Variants in CLVS1 observed in about 807,000 individuals in gnomAD.
The protein encoded by CLVS1 is clavesin 1.
Under a neutral mutation model 33.1 loss-of-function variants are expected in CLVS1, and 10 were observed. The ratio of observed to expected loss-of-function variants is 0.30; its 90% CI spans 0.19 to 0.51. The LOEUF is 0.51. Among genes scored for constraint, CLVS1 ranks in the 20% least tolerant of loss-of-function variants. CLVS1 has a pLI of 0.97. For synonymous variants in CLVS1, 163 were observed against 166.1 expected (o/e 0.98, Z 0.14); for missense variants, 343 against 433.4 (o/e 0.79, Z 1.85).
At chr8:61,092,728 A>G (rs1480051766) in intron 1 of CLVS1, among the ~76,000 whole-genome samples, 1 of 152,216 alleles carries the variant, frequency 6.6e-6, no homozygotes, top group Non-Finnish European at 1.5e-5. Flanking sequence ...CTTTGCGATT[A>G]CCTGAATAAT....
intron 1 of CLVS1, among the ~76,000 whole-genome samples, chr8:61,087,373 G>A (rs1563397086): frequency 6.6e-6 from 1 of 152,200 alleles, no homozygotes; most frequent in South Asian, 2.1e-4. Flanking sequence ...GGATCCTTGA[G>A]GGAGTCAGGT....
At chr8:61,427,028 A>C (rs913502248) in intron 3 of CLVS1, among the ~76,000 whole-genome samples, 1 of 152,240 alleles carries the variant, frequency 6.6e-6, no homozygotes, top group African/African-American at 2.4e-5. Flanking sequence ...CAGACAACTC[A>C]TAATCCAAAT....
At chr8:61,345,313 C>T (rs1812172551) in intron 2 of CLVS1, among the ~76,000 whole-genome samples, 1 of 152,120 alleles carries the variant, frequency 6.6e-6, no homozygotes, top group African/African-American at 2.4e-5. Flanking sequence ...TATGAAAACT[C>T]CTTATAAAAT....
At position 61,418,844 on chromosome 8, in the gene CLVS1, G is replaced by T. The variant is rs1264197786; in HGVS notation, c.631-35297G>T. 4.6e-5 allele frequency among the ~76,000 whole-genome samples: 7 copies of T among 152,216 alleles called. No homozygotes were observed. In the East Asian group the frequency reaches 1.3e-3, roughly 29 times the overall value. ...TGAACACGAGTAAGTCAGTAATGCT[G>T]TTGCAGAGAATGCAAAATTGCCACA... On this transcript the variant is annotated intron_variant, in intron 3 of 5. Transcript: ENST00000325897.
intron 2 of CLVS1, among the ~76,000 whole-genome samples, chr8:61,374,839 A>G (rs960362685): frequency 6.6e-6 from 1 of 152,146 alleles, no homozygotes; most frequent in Non-Finnish European, 1.5e-5. Context: ...GGTTTTTTCT[A>G]TATAGCAGAA....
chr8:61,477,392 A>T (rs1391563301), intron 5 of CLVS1, among the ~76,000 whole-genome samples: 1 of 152,062 alleles, frequency 6.6e-6, no homozygotes, highest in African/African-American at 2.4e-5. Context: ...TCCTCCTTGT[A>T]CCTCTGGTAG....
At chr8:61,367,347 C>A (rs758893441) in intron 2 of CLVS1, among the ~76,000 whole-genome samples, 64 of 152,126 alleles carry the variant, frequency 4.2e-4, no homozygotes, top group Non-Finnish European at 7.6e-4. Context: ...CACAGGAAAA[C>A]TTTGCATTCC....
At chr8:61,420,570 C>G (rs953833025) in intron 3 of CLVS1, among the ~76,000 whole-genome samples, 1 of 151,828 alleles carries the variant, frequency 6.6e-6, no homozygotes, top group African/African-American at 2.4e-5. Flanking sequence ...CCACTGCACT[C>G]CAGCCTGGGC....
chr8:61,458,573 C>CA (rs2129607206), intron 5 of CLVS1, 31 bp downstream of exon 5: 2 of 1,400,308 alleles, frequency 1.4e-6, no homozygotes, highest in Non-Finnish European at 9.6e-7. Flanking sequence ...GCCCCCCCCC[C>CA]AGTCAGAGGT....
At chr8:61,409,642 C>T (rs931558572) in intron 3 of CLVS1, among the ~76,000 whole-genome samples, 5 of 152,160 alleles carry the variant, frequency 3.3e-5, no homozygotes, top group African/African-American at 1.2e-4. Flanking sequence ...TGCACATGTA[C>T]AATTATCTAC....
At chr8:61,046,570 T>C in the CLVS1 span, among the ~76,000 whole-genome samples, 2 of 148,902 alleles carry the variant, frequency 1.3e-5, no homozygotes, top group Admixed American at 1.3e-4. Context: ...ATCTATAAAT[T>C]ACCTTGGGCA....
rs1810379216 is a variant in CLVS1 at position 61,300,258 on chromosome 8, T to C, written c.431T>C (p.Phe144Ser). ...TACGGCAGGAAGATTCTTTTGCTGT[T>C]TGCAGCCAATTGGGATCAGAGTAGG... Reference protein sequence around the residue: ...DHYGRKILLLFAANWDQSRNS... With the variant: ...DHYGRKILLLSAANWDQSRNS... Residue 144 changes from phenylalanine to serine, a missense_variant, in exon 2 of 6, where the codon TTT becomes TCT. Phe to Ser is a radical substitution (Grantham distance 155, BLOSUM62 -2). Around this residue, in one of 4 missense-constraint regions of CLVS1, gnomAD observed 166 missense variants for 244.0 expected, o/e 0.68. Coordinates refer to ENST00000325897, the MANE Select transcript of CLVS1 (RefSeq NM_173519.3). 6.2e-7 allele frequency: 1 copy of C among 1,613,568 alleles called. No individual in the cohort carries two copies. Among genetic ancestry groups the C allele is most frequent in the Admixed American group, 1.7e-5 (1 of 59,938 alleles).
chr8:61,094,190 T>G (rs974065889), intron 1 of CLVS1, among the ~76,000 whole-genome samples: 1 of 152,220 alleles, frequency 6.6e-6, no homozygotes, highest in African/African-American at 2.4e-5. Context: ...GCCCCAGCAA[T>G]TCCTGCTCTG....
chr8:61,234,470 TGAG>T (rs766910939), intron 2 of CLVS1, among the ~76,000 whole-genome samples: 1 of 152,142 alleles, frequency 6.6e-6, no homozygotes, highest in Non-Finnish European at 1.5e-5. Context: ...TTTCTCATGT[TGAG>T]GACAACTAGA....
chr8:61,292,177 T>G, intron 1 of CLVS1: 1 of 324,394 alleles, frequency 3.1e-6, no homozygotes, highest in Non-Finnish European at 6.2e-6. Flanking sequence ...AGACCCATTC[T>G]AAAATGAAAC....
chr8:61,497,730 A>T (rs1459792998), intron 5 of CLVS1, among the ~76,000 whole-genome samples: 2 of 152,328 alleles, frequency 1.3e-5, no homozygotes, highest in East Asian at 3.9e-4. Context: ...GTTTATTAAG[A>T]AAGTAAAGGA....
At chr8:61,251,376 T>A (rs1403964510) in intron 2 of CLVS1, among the ~76,000 whole-genome samples, 1 of 152,190 alleles carries the variant, frequency 6.6e-6, no homozygotes, top group Non-Finnish European at 1.5e-5. Flanking sequence ...GAAATTTTGT[T>A]TTTTTGTGGT....
chr8:61,272,691 T>C (rs1190875869), intron 2 of CLVS1, among the ~76,000 whole-genome samples: 2 of 152,020 alleles, frequency 1.3e-5, no homozygotes, highest in Non-Finnish European at 2.9e-5. Flanking sequence ...CTTTGCTCAT[T>C]TCTTTTTATT....
At position 61,126,763 on chromosome 8, in the gene CLVS1, G is replaced by A. The variant is rs141474563; in HGVS notation, c.-242-5007G>A. Among the ~76,000 whole-genome samples, 9 of 152,244 alleles carry A rather than the reference G, an allele frequency of 5.9e-5. No individual in the cohort carries two copies. In the East Asian group the frequency reaches 1.7e-3, roughly 29 times the overall value. ...TCACTCTCCTTCCTCTCATTTCTCAGCTCAGCTTGTTTCTGTGTCTTTTGT... is the reference window on the plus strand; with the variant it reads ...TCACTCTCCTTCCTCTCATTTCTCAACTCAGCTTGTTTCTGTGTCTTTTGT... On this transcript the variant is annotated intron_variant, in intron 1 of 2. Coordinates refer to the CLVS1 transcript ENST00000522621.
Sources: gnomAD v4.1 joint callset for allele counts (sites outside exome capture counted in the v4.1 genomes callset) on GRCh38, gnomAD v4.1.1 for gene constraint, gnomAD v4.1.1 regional missense constraint, MANE v1.5 for transcripts, NCBI Gene and HGNC (gene_info 2026-07-23, HGNC 2026-07-21) for gene names.